The following TAB3 variants were observed in gnomAD, a reference collection of about 807,000 sequenced individuals.
TAB3 encodes the protein TGF-beta activated kinase 1 (MAP3K7) binding protein 3, also known as TGF-beta-activated kinase 1 and MAP3K7-binding protein 3.
A neutral mutation model predicts 48.1 loss-of-function variants in TAB3; 18 were observed. The ratio of observed to expected loss-of-function variants is 0.37; its 90% CI spans 0.26 to 0.55. The LOEUF (loss-of-function observed/expected upper bound fraction) is 0.55. Ranked by LOEUF, TAB3 falls within the 20% of genes least tolerant of loss-of-function variation. TAB3 has a pLI of 0.78. For synonymous variants in TAB3, 185 were observed against 190.2 expected, an observed-to-expected ratio of 0.97 and a Z score of 0.22; for missense variants, 414 against 549.8, an observed-to-expected ratio of 0.75 and a Z score of 2.47.
chrX:30,883,818 A>G (rs1024346850), intron 1 of TAB3, among the ~76,000 whole-genome samples: 3 of 111,677 alleles, frequency 2.7e-5, no homozygotes, highest in African/African-American at 9.8e-5. Flanking sequence ...TGGGAATCTG[A>G]ACACTATTAT....
intron 9 of TAB3, among the ~76,000 whole-genome samples, chrX:30,841,789 A>C (rs1409069809): frequency 8.9e-6 from 1 of 112,381 alleles, no homozygotes; most frequent in Admixed American, 9.4e-5. Flanking sequence ...GCAGAAAGTT[A>C]ATCTACATTC....
chrX:30,842,217 C>T (rs1424884205), intron 9 of TAB3, among the ~76,000 whole-genome samples: 2 of 112,278 alleles, frequency 1.8e-5, no homozygotes, highest in Non-Finnish European at 3.8e-5. Context: ...TTCCTTCAAA[C>T]CTTGGTTATA....
At chrX:30,852,206 A>C (rs1204812581) in intron 7 of TAB3, among the ~76,000 whole-genome samples, 1 of 112,004 alleles carries the variant, frequency 8.9e-6, no homozygotes, top group Non-Finnish European at 1.9e-5. Context: ...TGTTAAAACT[A>C]TATTATCTGA....
rs1937951792 is a variant in TAB3, at chrX:30,828,773, T to G, written c.*2654A>C. ...TGCACCAGCTGATCCAGCTGGCACCTCAGCAGCCAGGCGTCATCCGATTTA... is the reference window on the plus strand; with the variant it reads ...TGCACCAGCTGATCCAGCTGGCACCGCAGCAGCCAGGCGTCATCCGATTTA... On this transcript the variant is annotated 3_prime_UTR_variant, in exon 11 of 11. Coordinates refer to ENST00000288422, the MANE Select transcript of TAB3 (RefSeq NM_152787.5). 1 of 111,987 alleles carries G rather than the reference T, an allele frequency of 8.9e-6. No individual in the cohort carries two copies. Among genetic ancestry groups the G allele is most frequent in the South Asian group, 3.7e-4 (1 of 2,695 alleles). The allele number at this position is 111,987 out of a possible 1,213,427, so 9.2% of individuals were successfully genotyped here. A position where few individuals can be genotyped will look rare whatever the true frequency, so the allele number is the denominator to read the frequency against.
chrX:30,880,272 C>G (rs985712715), intron 1 of TAB3, among the ~76,000 whole-genome samples: 8 of 111,347 alleles, frequency 7.2e-5, no homozygotes, highest in Admixed American at 1.9e-4. Context: ...TACTAGATAT[C>G]AAGTTTTATG....
At position 30,830,813 on chromosome X, in the gene TAB3, C is replaced by T. The variant is rs1938001161; in HGVS notation, c.*614G>A. The T allele has an allele frequency of 9.1e-6, 1 of 109,579 alleles. No individual in the cohort carries two copies. Among genetic ancestry groups the T allele is most frequent in the Non-Finnish European group, 1.9e-5 (1 of 52,733 alleles). The allele number at this position is 109,579 out of a possible 1,213,427, so 9.0% of individuals were successfully genotyped here. On this transcript the variant is annotated 3_prime_UTR_variant, in exon 11 of 11. Transcript: ENST00000288422. ...GCATGATATGCCTAGTTCCTGACTG[C>T]TACAAATCACATTTTAAAACATTTT...
chrX:30,832,484 T>A (rs1938056234), intron 10 of TAB3, among the ~76,000 whole-genome samples: 1 of 112,126 alleles, frequency 8.9e-6, no homozygotes, highest in Non-Finnish European at 1.9e-5. Context: ...GAGATTAAGA[T>A]CTGAGGTAAG....
chrX:30,878,516 A>AAAAAAAAAG (rs57251085), intron 1 of TAB3, among the ~76,000 whole-genome samples: 2 of 79,596 alleles, frequency 2.5e-5, no homozygotes, highest in Non-Finnish European at 4.6e-5. Flanking sequence ...AAAAAAAAAA[A>AAAAAAAAAG]AAAGAAAGAA....
At chrX:30,882,148 T>A (rs1940013737) in intron 1 of TAB3, among the ~76,000 whole-genome samples, 1 of 111,897 alleles carries the variant, frequency 8.9e-6, no homozygotes, top group Non-Finnish European at 1.9e-5. Context: ...CTGTTACATA[T>A]GGTATCCCTG....
At chrX:30,839,946 T>TA (rs1401082727) in intron 9 of TAB3, among the ~76,000 whole-genome samples, 1 of 96,521 alleles carries the variant, frequency 1.0e-5, no homozygotes, top group African/African-American at 3.8e-5. Flanking sequence ...ATATATATAA[T>TA]ATATATTAAA....
intron 8 of TAB3, chrX:30,845,988 A>G: frequency 2.0e-6 from 2 of 1,010,991 alleles, no homozygotes; most frequent in South Asian, 2.0e-5. Context: ...CAGTCAGTAT[A>G]TTTTCCACAG....
intron 9 of TAB3, among the ~76,000 whole-genome samples, chrX:30,839,946 T>C: frequency 1.0e-5 from 1 of 96,497 alleles, no homozygotes; most frequent in South Asian, 4.9e-4. Flanking sequence ...ATATATATAA[T>C]ATATATTAAA....
chrX:30,844,146 GA>G, intron 8 of TAB3: 1 of 110,494 alleles, frequency 9.1e-6, no homozygotes, highest in Middle Eastern at 4.7e-3. Flanking sequence ...GTTTAGATTG[GA>G]AACTCAGTAT....
At chrX:30,859,360 C>CCACACACA (rs137921689) in intron 5 of TAB3, 127 bp downstream of exon 5, 4,554 of 390,301 alleles carry the variant, frequency 0.012, 24 homozygotes, top group African/African-American at 0.033. Context: ...AAATCCTGCT[C>CCACACACA]CACACACACA....
chrX:30,843,756 C>T (rs1296940585), intron 8 of TAB3: 1 of 111,405 alleles, frequency 9.0e-6, no homozygotes, highest in Non-Finnish European at 1.9e-5. Flanking sequence ...TGTCTGTCTT[C>T]AAATGTTCAT....
chrX:30,841,794 A>G (rs1345989354), intron 9 of TAB3, among the ~76,000 whole-genome samples: 1 of 112,380 alleles, frequency 8.9e-6, no homozygotes, highest in Admixed American at 9.4e-5. Context: ...AAGTTAATCT[A>G]CATTCAATGA....
intron 1 of TAB3, among the ~76,000 whole-genome samples, chrX:30,880,587 A>G (rs1939970684): frequency 9.0e-6 from 1 of 111,541 alleles, no homozygotes; most frequent in East Asian, 2.8e-4. Flanking sequence ...TGAGAATACC[A>G]TGAAATAGAA....
In TAB3 at chrX:30,834,108, T is replaced by C; in HGVS notation, c.1933A>G (p.Ser645Gly). 2.5e-6 allele frequency: 3 copies of C among 1,211,724 alleles called. No homozygotes were observed. The East Asian group carries it at 8.9e-5, about 36-fold the overall frequency. Residue 645 changes from serine to glycine, a missense_variant, in exon 10 of 11, where the codon AGC (serine) becomes GGC (glycine). Ser to Gly is a moderately conservative substitution (Grantham distance 56). Coordinates refer to ENST00000288422, the MANE Select transcript of TAB3 (RefSeq NM_152787.5). ...CTIERKARRI[S>G]VTSKVQADIH... is the part of the protein sequence containing the mutation. ...TCTGCCTGTACTTTGGAGGTCACGC[T>C]AATTCTTCGGGCTTTTCTCTCAATT...
At chrX:30,850,785 CTTTTTTT>C (rs756585121) in intron 7 of TAB3, among the ~76,000 whole-genome samples, 6 of 93,461 alleles carry the variant, frequency 6.4e-5, no homozygotes, top group Non-Finnish European at 1.3e-4. Flanking sequence ...GGGCTTTTTT[CTTTTTTT>C]TTTTTTTAGT....
Sources: gnomAD v4.1 joint callset for allele counts (sites outside exome capture counted in the v4.1 genomes callset) on GRCh38, gnomAD v4.1.1 for gene constraint, MANE v1.5 for transcripts, NCBI Gene and HGNC (gene_info 2026-07-23, HGNC 2026-07-21) for gene names.